Variants in CNTN4 observed in about 807,000 individuals in gnomAD.
CNTN4 encodes the protein contactin 4, also known as contactin-4.
A neutral mutation model predicts 122.5 loss-of-function variants in CNTN4; 77 were observed. That is an observed-to-expected ratio of 0.63 (90% CI 0.52 to 0.76). The LOEUF is 0.76. CNTN4 is among the 30% of genes least tolerant of loss of function. The probability of loss-of-function intolerance (pLI) is 0.00; values close to 1 mark genes in which losing one functional copy is unlikely to be tolerated. For synonymous variants in CNTN4, 512 were observed against 447.0 expected (o/e 1.15, Z -1.83); for missense variants, 1,256 against 1,259.1 (o/e 1.00, Z 0.04).
chr3:2,970,238 G>T (rs1403408355), intron 13 of CNTN4, among the ~76,000 whole-genome samples: 2 of 151,974 alleles, frequency 1.3e-5, no homozygotes, highest in Admixed American at 6.6e-5. Flanking sequence ...GGGACTACAA[G>T]TGCATGCCCC....
At chr3:2,974,629 C>T (rs955196301) in intron 13 of CNTN4, among the ~76,000 whole-genome samples, 1 of 152,174 alleles carries the variant, frequency 6.6e-6, no homozygotes, top group African/African-American at 2.4e-5. Context: ...GACGTCAGTT[C>T]AGGAAAGCTT....
intron 3 of CNTN4, among the ~76,000 whole-genome samples, chr3:2,473,015 C>T (rs2075730676): frequency 6.6e-6 from 1 of 151,974 alleles, no homozygotes; most frequent in Admixed American, 6.6e-5. Flanking sequence ...AGGTGGATCA[C>T]CTGAGGTCAG....
intron 4 of CNTN4, among the ~76,000 whole-genome samples, chr3:2,677,223 A>G (rs1336223990): frequency 6.7e-6 from 1 of 150,108 alleles, no homozygotes; most frequent in Middle Eastern, 3.3e-3. Flanking sequence ...ATATATATCT[A>G]TATAGAGAGA....
At chr3:3,040,362 A>G in intron 20 of CNTN4, 91 bp downstream of exon 20, 1 of 983,648 alleles carries the variant, frequency 1.0e-6, no homozygotes, top group Admixed American at 1.9e-5. Context: ...TTCGCATGGT[A>G]CATGTATCTT....
rs568823016 is a variant in CNTN4 at position 2,296,446 on chromosome 3, T to A, written c.-144-42732T>A. 3.3e-5 allele frequency among the ~76,000 whole-genome samples: 5 copies of A among 151,768 alleles called. No individual in the cohort carries two copies. The South Asian group carries it at 6.2e-4, about 19-fold the overall frequency. ...TTTATTCTCTTTGAAGCAATTTAAT[T>A]ATTTCAGTGGAAGTTACTAAAGAAC... On this transcript the variant is annotated intron_variant, in intron 2 of 24. Transcript: ENST00000418658.
intron 2 of CNTN4, among the ~76,000 whole-genome samples, chr3:2,203,200 A>C (rs1476509242): frequency 6.6e-6 from 1 of 152,128 alleles, no homozygotes; most frequent in African/African-American, 2.4e-5. Context: ...TGACTTTTAC[A>C]CAGTATTTAA....
intron 6 of CNTN4, among the ~76,000 whole-genome samples, chr3:2,817,241 C>A (rs2092757597): frequency 6.6e-6 from 1 of 152,164 alleles, no homozygotes; most frequent in African/African-American, 2.4e-5. Flanking sequence ...AACATAATGA[C>A]TACATACTTG....
Position 2,615,830 on chromosome 3 carries a change from C to A in CNTN4, c.55+44272C>A, listed in dbSNP as rs905418623. On this transcript the variant is annotated intron_variant, in intron 4 of 24. Coordinates refer to ENST00000418658, the MANE Select transcript of CNTN4 (RefSeq NM_175607.3). ...GGAATGACCTATAAAAGCACTGATACATCTTTCCTTCTAGCCTTCAAGTGT... is the reference window on the plus strand; with the variant it reads ...GGAATGACCTATAAAAGCACTGATAAATCTTTCCTTCTAGCCTTCAAGTGT... Among the ~76,000 whole-genome samples the A allele has an allele frequency of 3.3e-5, 5 of 152,100 alleles. No homozygotes were observed. In the East Asian group the frequency reaches 9.6e-4, roughly 29 times the overall value.
At chr3:2,260,719 A>C (rs1027089894) in intron 2 of CNTN4, among the ~76,000 whole-genome samples, 6 of 134,934 alleles carry the variant, frequency 4.4e-5, no homozygotes, top group South Asian at 4.9e-4. Context: ...TTTTCTTTTT[A>C]TTTTATTTAT....
chr3:2,973,050 AT>A lies in CNTN4; in HGVS notation c.1359-15292del, dbSNP rs577228848. Among the ~76,000 whole-genome samples, 141 of 152,156 alleles carry A rather than the reference AT, an allele frequency of 9.3e-4. 2 individuals carry two copies. In the South Asian group the frequency reaches 0.028, roughly 31 times the overall value. On this transcript the variant is annotated intron_variant, in intron 13 of 24. Coordinates refer to ENST00000418658, the MANE Select transcript of CNTN4 (RefSeq NM_175607.3). The stretch of plus-strand genomic sequence containing the variant: ...TAAATGTTCTGTCATCATGAGAATT[AT>A]TTATTGGAACCCATTACCTGTGCGA...
intron 3 of CNTN4, among the ~76,000 whole-genome samples, chr3:2,497,217 T>G (rs1168872581): frequency 6.6e-6 from 1 of 152,192 alleles, no homozygotes; most frequent in Non-Finnish European, 1.5e-5. Flanking sequence ...TGACACTGTT[T>G]GAAATTTTAA....
chr3:2,391,265 G>A (rs1239398361), intron 3 of CNTN4, among the ~76,000 whole-genome samples: 1 of 152,184 alleles, frequency 6.6e-6, no homozygotes, highest in Non-Finnish European at 1.5e-5. Context: ...CATAATAAGA[G>A]TGTGTTAGAG....
chr3:2,356,915 T>A (rs2044898072), intron 3 of CNTN4, among the ~76,000 whole-genome samples: 1 of 152,228 alleles, frequency 6.6e-6, no homozygotes. Flanking sequence ...ATAAGAGACA[T>A]TTAGATACTG....
chr3:2,924,978 C>T (rs1450560980), intron 12 of CNTN4, among the ~76,000 whole-genome samples: 1 of 152,002 alleles, frequency 6.6e-6, no homozygotes, highest in African/African-American at 2.4e-5. Flanking sequence ...AATTTTGTTT[C>T]TTTCCCTTTC....
At position 2,385,310 on chromosome 3, in the gene CNTN4, A is replaced by G. The variant is rs777243654; in HGVS notation, c.-89+46077A>G. Among the ~76,000 whole-genome samples the G allele has an allele frequency of 6.6e-6, 1 of 151,360 alleles. No homozygotes were observed. Among genetic ancestry groups the G allele is most frequent in the Non-Finnish European group, 1.5e-5 (1 of 67,950 alleles). ...AAATCACTTAAAACTCTCCCAACAA[A>G]CAATACCTGTTTATAGTTTTGTTTA... On this transcript the variant is annotated intron_variant, in intron 3 of 24. Coordinates refer to ENST00000418658, the MANE Select transcript of CNTN4 (RefSeq NM_175607.3). The surrounding 1 kb of genome is among the most constrained non-coding windows in gnomAD (Gnocchi z 4.0).
chr3:2,326,401 G>GACTT, intron 2 of CNTN4, among the ~76,000 whole-genome samples: 1 of 151,674 alleles, frequency 6.6e-6, no homozygotes, highest in Non-Finnish European at 1.5e-5. Context: ...AGCTCTCCTG[G>GACTT]GCCTCTAACT....
At chr3:2,446,973 G>A (rs1343502794) in intron 3 of CNTN4, among the ~76,000 whole-genome samples, 1 of 152,096 alleles carries the variant, frequency 6.6e-6, no homozygotes, top group Non-Finnish European at 1.5e-5. Flanking sequence ...AAAATAACTA[G>A]GGGAAGAACA....
chr3:2,900,617 G>A, intron 10 of CNTN4, 68 bp from the exon 11 acceptor site: 2 of 1,542,912 alleles, frequency 1.3e-6, no homozygotes, highest in Non-Finnish European at 1.8e-6. Flanking sequence ...CCCTTTGATT[G>A]AATATGATAA....
At chr3:2,211,217 A>G (rs1471972073) in intron 2 of CNTN4, among the ~76,000 whole-genome samples, 2 of 152,040 alleles carry the variant, frequency 1.3e-5, no homozygotes, top group Non-Finnish European at 2.9e-5. Flanking sequence ...GGCGCCACAC[A>G]CTTTTAAATG....
Sources: gnomAD v4.1 joint callset for allele counts (sites outside exome capture counted in the v4.1 genomes callset) on GRCh38, gnomAD v4.1.1 for gene constraint, Gnocchi (gnomAD v3.1) non-coding constraint, MANE v1.5 for transcripts, NCBI Gene and HGNC (gene_info 2026-07-23, HGNC 2026-07-21) for gene names.